CAST: variants seen among roughly 807,000 people sequenced by gnomAD.
CAST encodes calpastatin.
In CAST, 76 loss-of-function variants were observed where a neutral mutation model predicts 119.6. That is an observed-to-expected ratio of 0.64 (90% confidence interval 0.53 to 0.77). The LOEUF (loss-of-function observed/expected upper bound fraction) is 0.77, where lower values mean the gene tolerates loss of function less well. Among genes scored for constraint, CAST ranks in the 30% least tolerant of loss-of-function variants. The pLI, the probability that CAST is intolerant of heterozygous loss-of-function variation, is 0.00. For synonymous variants in CAST, 319 were observed against 331.6 expected (o/e 0.96, Z 0.41); for missense variants, 953 against 946.5 (o/e 1.01, Z -0.09).
chr5:96,194,416 A>T, the CAST span, among the ~76,000 whole-genome samples: 4 of 152,198 alleles, frequency 2.6e-5, no homozygotes, highest in Admixed American at 6.5e-5. Flanking sequence ...TTTGTGAGCC[A>T]TGGTATCTTA....
chr5:96,763,365 CATGTGCATGTGT>C (rs1411177104), intron 25 of CAST: 3 of 713,022 alleles, frequency 4.2e-6, no homozygotes, highest in Admixed American at 4.0e-5. Context: ...TGTGCATGTG[CATGTGCATGTGT>C]GTATGTAAAC....
At chr5:96,185,739 T>C in the CAST span, among the ~76,000 whole-genome samples, 7 of 152,228 alleles carry the variant, frequency 4.6e-5, no homozygotes, top group African/African-American at 1.7e-4. Flanking sequence ...CCATGCTGTT[T>C]TGGTTACTGC....
chr5:96,345,067 T>C, the CAST span, among the ~76,000 whole-genome samples: 1,103 of 152,284 alleles, frequency 7.2e-3, 13 homozygotes, highest in African/African-American at 0.026. Context: ...ATTTTGCACA[T>C]CGCTTTCTTT....
At chr5:96,609,177 C>G (rs370667587) in intron 1 of CAST, among the ~76,000 whole-genome samples, 15 of 152,164 alleles carry the variant, frequency 9.9e-5, no homozygotes, top group African/African-American at 3.6e-4. Context: ...CTTTAAAAAC[C>G]TTTACCTCCT....
chr5:96,746,848 T>C (rs1763859807), intron 17 of CAST, among the ~76,000 whole-genome samples: 2 of 152,358 alleles, frequency 1.3e-5, no homozygotes, highest in South Asian at 4.1e-4. Context: ...TTTTTGATTA[T>C]GGTGAGGATG....
chr5:96,232,535 G>T, the CAST span, among the ~76,000 whole-genome samples: 1 of 152,060 alleles, frequency 6.6e-6, no homozygotes, highest in Non-Finnish European at 1.5e-5. Flanking sequence ...AGAATTTATG[G>T]TGTTCAGCAA....
intron 1 of CAST, among the ~76,000 whole-genome samples, chr5:96,643,669 T>C (rs1368489597): frequency 1.3e-5 from 2 of 152,158 alleles, no homozygotes; most frequent in African/African-American, 4.8e-5. Context: ...GGTCAGGAGA[T>C]GGAGACCAAC....
chr5:96,150,074 T>G, the CAST span, among the ~76,000 whole-genome samples: 1 of 152,192 alleles, frequency 6.6e-6, no homozygotes, highest in African/African-American at 2.4e-5. Context: ...GGCATTCTGC[T>G]GATACATTGG....
the CAST span, among the ~76,000 whole-genome samples, chr5:96,104,112 TC>T: frequency 9.3e-4 from 142 of 152,298 alleles, 1 homozygote; most frequent in Middle Eastern, 3.4e-3. Flanking sequence ...TTGTTTGAGT[TC>T]ATTGTAGATT....
the CAST span, among the ~76,000 whole-genome samples, chr5:96,513,743 A>T: frequency 6.6e-6 from 1 of 152,146 alleles, no homozygotes; most frequent in Non-Finnish European, 1.5e-5. Flanking sequence ...TTTTTTGAAA[A>T]ATCTTAGCTT....
chr5:96,750,632 C>G lies in CAST; in HGVS notation c.1474C>G (p.Arg492Gly). 1.2e-6 allele frequency: 2 copies of G among 1,613,378 alleles called. No homozygotes were observed. Among genetic ancestry groups the G allele is most frequent in the Non-Finnish European group, 1.7e-6 (2 of 1,179,506 alleles). The change falls in exon 20 of 32, where the codon CGG becomes GGG. Residue 492 changes from arginine (R) to glycine (G), a missense_variant. Arg to Gly is a moderately radical substitution (Grantham distance 125). Coordinates refer to ENST00000675179, the MANE Select transcript of CAST (RefSeq NM_001750.7). ...APAPVSEAVC[R>G]TSMCSIQSAP... ...AGCTCCTGTGTCGGAGGCTGTGTGTCGGACCTCCATGTGTAGTATACAGTC... is the reference window on the plus strand; with the variant it reads ...AGCTCCTGTGTCGGAGGCTGTGTGTGGGACCTCCATGTGTAGTATACAGTC...
At chr5:96,432,494 C>T in the CAST span, among the ~76,000 whole-genome samples, 1 of 152,216 alleles carries the variant, frequency 6.6e-6, no homozygotes. Context: ...ATGGAGCGCA[C>T]TGCTTCTCCC....
the CAST span, among the ~76,000 whole-genome samples, chr5:96,066,720 T>C: frequency 6.6e-6 from 1 of 152,102 alleles, no homozygotes; most frequent in African/African-American, 2.4e-5. Context: ...AGTACAGTGG[T>C]GTGATCATAC....
At chr5:96,607,662 T>C (rs1046965040) in intron 1 of CAST, among the ~76,000 whole-genome samples, 2 of 89,762 alleles carry the variant, frequency 2.2e-5, no homozygotes, top group Non-Finnish European at 4.7e-5. Flanking sequence ...CTTTTCCAGA[T>C]ATCTCAGTTT....
intron 3 of CAST, among the ~76,000 whole-genome samples, chr5:96,697,926 T>C (rs1753484580): frequency 6.6e-6 from 1 of 152,248 alleles, no homozygotes; most frequent in African/African-American, 2.4e-5. Flanking sequence ...TCATATTCTG[T>C]TATTTCCAGG....
chr5:96,562,009 G>C (rs1045760565), intron 1 of CAST, among the ~76,000 whole-genome samples: 1 of 150,338 alleles, frequency 6.7e-6, no homozygotes. Context: ...AGCCAGGATG[G>C]TCTCGATCTC....
chr5:96,397,387 G>A, the CAST span: 3 of 1,610,458 alleles, frequency 1.9e-6, no homozygotes, highest in Admixed American at 1.7e-5. Context: ...CTCCCCATGT[G>A]TGAACAGACA....
the CAST span, among the ~76,000 whole-genome samples, chr5:96,354,388 T>C: frequency 2.1e-3 from 321 of 152,292 alleles, no homozygotes; most frequent in African/African-American, 7.5e-3. Context: ...CCCATCTATG[T>C]AGCTTCTCAG....
At chr5:96,323,058 T>C in the CAST span, among the ~76,000 whole-genome samples, 1 of 152,222 alleles carries the variant, frequency 6.6e-6, no homozygotes, top group African/African-American at 2.4e-5. Flanking sequence ...CCTTGCTTTT[T>C]GGCCTGAGGA....
Sources: allele counts gnomAD v4.1 joint callset (sites outside exome capture counted in the v4.1 genomes callset), GRCh38; gene constraint gnomAD v4.1.1; transcripts MANE v1.5; gene names NCBI Gene and HGNC (gene_info 2026-07-23, HGNC 2026-07-21).